The following LPCAT1 variants were observed in gnomAD, a reference collection of about 807,000 sequenced individuals.
LPCAT1 encodes the protein 1-acylglycerol-3-phosphate O-acyltransferase.
Under a neutral mutation model 60.9 loss-of-function variants are expected in LPCAT1, and 23 were observed. The observed-to-expected ratio is 0.38, with a 90% CI of 0.27 to 0.53. The LOEUF (loss-of-function observed/expected upper bound fraction) is 0.53. Ranked by LOEUF, LPCAT1 falls within the 20% of genes least tolerant of loss-of-function variation. The pLI is 0.82. For missense variants in LPCAT1, 622 were observed against 723.6 expected (o/e 0.86, Z 1.61); for synonymous variants, 340 against 301.1 (o/e 1.13, Z -1.34).
At position 1,475,654 on chromosome 5, in the gene LPCAT1, C is replaced by CT. The variant is rs533446703; in HGVS notation, c.900-970dup. On this transcript the variant is annotated intron_variant, in intron 9 of 13. Coordinates refer to ENST00000283415, the MANE Select transcript of LPCAT1 (RefSeq NM_024830.5). ...GAGAACGTGCTTCCAACACTGCCTC[C>CT]TAGGACCCACTACGGGAGTGGGAAA... is the stretch of plus-strand genomic sequence containing the variant. Among the ~76,000 whole-genome samples, 256 of 152,286 alleles carry CT rather than the reference C, an allele frequency of 1.7e-3. 3 individuals are homozygous for CT. Among genetic ancestry groups the CT allele is most frequent in the African/African-American group, 5.6e-3 (232 of 41,578 alleles).
chr5:1,488,584 C>G (rs1028215627), intron 4 of LPCAT1, 133 bp from the exon 5 acceptor site: 1 of 603,014 alleles, frequency 1.7e-6, no homozygotes, highest in Non-Finnish European at 2.9e-6. Context: ...ATATTCAGTA[C>G]GTAAATTATT....
chr5:1,465,909 A>G (rs1489600053), intron 13 of LPCAT1, among the ~76,000 whole-genome samples: 1 of 152,256 alleles, frequency 6.6e-6, no homozygotes, highest in African/African-American at 2.4e-5. Context: ...ACACGTGTGC[A>G]CACACACGGT....
chr5:1,480,217 A>T lies in LPCAT1; in HGVS notation c.762-542T>A. The T allele has an allele frequency of 3.2e-6, 1 of 314,452 alleles. No homozygotes were observed. The highest frequency in any genetic ancestry group is 4.6e-6 in the Non-Finnish European group (1 of 218,878). 19.5% of individuals were successfully genotyped at this position (314,452 alleles called of 1,614,324 possible). A position where few individuals can be genotyped will look rare whatever the true frequency, so the allele number is the denominator to read the frequency against. On this transcript the variant is annotated intron_variant, in intron 7 of 13. Coordinates refer to ENST00000283415, the MANE Select transcript of LPCAT1 (RefSeq NM_024830.5). The surrounding 1 kb of genome is among the most constrained non-coding windows in gnomAD (Gnocchi z 6.4). The stretch of plus-strand genomic sequence containing the variant: ...CAGCCCTAGGCCCCCGGGACCCCAG[A>T]ACCCCTATACCCCCCAGAGCCCCCT...
At chr5:1,469,081 C>T (rs569346678) in intron 12 of LPCAT1, among the ~76,000 whole-genome samples, 12 of 152,316 alleles carry the variant, frequency 7.9e-5, no homozygotes, top group South Asian at 2.1e-4. Context: ...GCCGTCAGGG[C>T]GGAGCTGCTG....
chr5:1,466,373 G>C (rs1408535159), intron 13 of LPCAT1, among the ~76,000 whole-genome samples: 1 of 152,072 alleles, frequency 6.6e-6, no homozygotes, highest in Non-Finnish European at 1.5e-5. Flanking sequence ...CCAGGAGAGG[G>C]GGGATGTGAG....
intron 3 of LPCAT1, among the ~76,000 whole-genome samples, chr5:1,492,746 G>A (rs924298083): frequency 6.6e-6 from 1 of 152,206 alleles, no homozygotes; most frequent in Non-Finnish European, 1.5e-5. Flanking sequence ...GGACTACAAC[G>A]TCCAGCATCA....
intron 2 of LPCAT1, among the ~76,000 whole-genome samples, chr5:1,500,178 A>G (rs1039945051): frequency 3.3e-5 from 5 of 152,258 alleles, no homozygotes; most frequent in Admixed American, 2.0e-4. Flanking sequence ...TAAAAGATTC[A>G]GGGAGCCCCT....
intron 3 of LPCAT1, among the ~76,000 whole-genome samples, chr5:1,491,351 T>G (rs1307086885): frequency 6.6e-6 from 1 of 152,228 alleles, no homozygotes; most frequent in Non-Finnish European, 1.5e-5. Context: ...ACACGGGGTC[T>G]GGAGATGCCA....
At chr5:1,520,093 C>T (rs1051343831) in intron 1 of LPCAT1, among the ~76,000 whole-genome samples, 3 of 152,220 alleles carry the variant, frequency 2.0e-5, no homozygotes, top group African/African-American at 7.2e-5. Context: ...GAGGAACCCC[C>T]ATCCCCGTGC....
At chr5:1,472,515 G>A in intron 11 of LPCAT1, among the ~76,000 whole-genome samples, 1 of 151,980 alleles carries the variant, frequency 6.6e-6, no homozygotes, top group East Asian at 1.9e-4. Flanking sequence ...TGAGGTCCTG[G>A]GTGTAAATGG....
chr5:1,523,922 T>C lies in LPCAT1; in HGVS notation c.-78A>G. The C allele has an allele frequency of 1.0e-6, 1 of 952,916 alleles. No homozygotes were observed. Among genetic ancestry groups the C allele is most frequent in the Non-Finnish European group, 1.3e-6 (1 of 798,852 alleles). The allele number at this position is 952,916 out of a possible 1,614,324, so 59.0% of individuals were successfully genotyped here. On this transcript the variant is annotated 5_prime_UTR_variant, in exon 1 of 14. Transcript: ENST00000283415. The surrounding 1 kb of genome is among the most constrained non-coding windows in gnomAD (Gnocchi z 7.1). The stretch of plus-strand genomic sequence containing the variant: ...GGCCGGGGCTAGCTGGGCGCGGGTC[T>C]CGGGGCGCGGGCCGAGGATGCGCGG...
At chr5:1,516,157 G>A (rs1248752755) in intron 1 of LPCAT1, among the ~76,000 whole-genome samples, 1 of 152,230 alleles carries the variant, frequency 6.6e-6, no homozygotes, top group Non-Finnish European at 1.5e-5. Flanking sequence ...GCTCTAAGGT[G>A]AGGGAGAGGA....
At chr5:1,488,961 G>A (rs1043771052) in intron 4 of LPCAT1, among the ~76,000 whole-genome samples, 12 of 152,224 alleles carry the variant, frequency 7.9e-5, no homozygotes, top group African/African-American at 2.9e-4. Context: ...CCACACCGGG[G>A]TTTCAATTCC....
At position 1,480,688 on chromosome 5, in the gene LPCAT1, C is replaced by T. The variant is rs777144800; in HGVS notation, c.761+254G>A. 2.6e-5 allele frequency among the ~76,000 whole-genome samples: 4 copies of T among 152,152 alleles called. No individual in the cohort carries two copies. The South Asian group carries it at 6.2e-4, about 24-fold the overall frequency. On this transcript the variant is annotated intron_variant, in intron 7 of 13. Coordinates refer to ENST00000283415, the MANE Select transcript of LPCAT1 (RefSeq NM_024830.5). The surrounding 1 kb of genome is among the most constrained non-coding windows in gnomAD (Gnocchi z 6.4). ...ATCGTAATTACTGAGCTGGCAAACT[C>T]GAGAGCCGAATGCAAGACTCACAGT... is the stretch of plus-strand genomic sequence containing the variant.
rs1282531275 is a variant in LPCAT1, at chr5:1,523,810, G to C, written c.35C>G (p.Pro12Arg). Residue 12 changes from proline to arginine, a missense_variant, in exon 1 of 14, where the codon CCT becomes CGT. Pro to Arg is a moderately radical substitution (Grantham distance 103). Around this residue, in one of 3 missense-constraint regions of LPCAT1, gnomAD observed 125 missense variants for 114.5 expected, o/e 1.09. Transcript: ENST00000283415. The surrounding 1 kb of genome is among the most constrained non-coding windows in gnomAD (Gnocchi z 7.1). ...RLRGCGPRAA[P>R]ASSAGASDAR... ...GTCGCTGGCCCCTGCGCTGGAGGCA[G>C]GGGCGGCCCGGGGTCCGCATCCCCG... 1.8e-6 allele frequency: 2 copies of C among 1,092,788 alleles called. No homozygotes were observed. Among genetic ancestry groups the C allele is most frequent in the South Asian group, 7.9e-5 (2 of 25,262 alleles). 67.7% of individuals were successfully genotyped at this position (1,092,788 alleles called of 1,614,324 possible).
chr5:1,503,695 C>T (rs574380737), intron 1 of LPCAT1, among the ~76,000 whole-genome samples: 33 of 152,340 alleles, frequency 2.2e-4, no homozygotes, highest in African/African-American at 5.5e-4. Flanking sequence ...AGCTCCTGAC[C>T]GTTGCTTCAC....
intron 13 of LPCAT1, among the ~76,000 whole-genome samples, chr5:1,465,240 CG>C (rs1261628847): frequency 3.4e-5 from 5 of 146,636 alleles, no homozygotes; most frequent in African/African-American, 1.3e-4. Flanking sequence ...AACAAGCACA[CG>C]CACACAGCAA....
At chr5:1,464,484 ACAAACAT>A (rs143358214) in intron 13 of LPCAT1, among the ~76,000 whole-genome samples, 8,789 of 152,272 alleles carry the variant, frequency 0.058, 279 homozygotes, top group Middle Eastern at 0.086. Flanking sequence ...GGTGCCCACT[ACAAACAT>A]CAAAGAGCCC....
At position 1,481,911 on chromosome 5, in the gene LPCAT1, G is replaced by A. The variant is rs1054148520; in HGVS notation, c.727-935C>T. Among the ~76,000 whole-genome samples the A allele has an allele frequency of 2.0e-5, 3 of 152,230 alleles. No homozygotes were observed. The highest frequency in any genetic ancestry group is 6.5e-5 in the Admixed American group (1 of 15,284). ...AAGTGAAGCCCGGCAGGCATCGGACGGGACAGGCCCTGAGGCGGATGGCCC... is the reference window on the plus strand; with the variant it reads ...AAGTGAAGCCCGGCAGGCATCGGACAGGACAGGCCCTGAGGCGGATGGCCC... On this transcript the variant is annotated intron_variant, in intron 6 of 13. Coordinates refer to ENST00000283415, the MANE Select transcript of LPCAT1 (RefSeq NM_024830.5). The surrounding 1 kb of genome is among the most constrained non-coding windows in gnomAD (Gnocchi z 7.8).
Sources: gnomAD v4.1 joint callset for allele counts (sites outside exome capture counted in the v4.1 genomes callset) on GRCh38, gnomAD v4.1.1 for gene constraint, gnomAD v4.1.1 regional missense constraint, Gnocchi (gnomAD v3.1) non-coding constraint, MANE v1.5 for transcripts, NCBI Gene and HGNC (gene_info 2026-07-23, HGNC 2026-07-21) for gene names.